The following CYTH1 variants were observed in gnomAD, a reference collection of about 807,000 sequenced individuals.
The protein encoded by CYTH1 is cytohesin 1.
A neutral mutation model predicts 61.8 loss-of-function variants in CYTH1; 18 were observed. That is an observed-to-expected ratio of 0.29 (90% confidence interval 0.20 to 0.43). The LOEUF (loss-of-function observed/expected upper bound fraction) is 0.43. CYTH1 is among the 20% of genes least tolerant of loss of function. The pLI is 1.00. For missense variants in CYTH1, 336 were observed against 510.5 expected (o/e 0.66, Z 3.29); for synonymous variants, 174 against 184.3 (o/e 0.94, Z 0.45).
In CYTH1 at chr17:78,717,335, C is replaced by T. The variant is rs374757165; in HGVS notation, c.23-7603G>A. Among the ~76,000 whole-genome samples the T allele has an allele frequency of 1.1e-4, 17 of 152,166 alleles. No individual in the cohort carries two copies. Among genetic ancestry groups the T allele is most frequent in the South Asian group, 6.2e-4 (3 of 4,826 alleles). On this transcript the variant is annotated intron_variant, in intron 1 of 13. Transcript: ENST00000446868. This position sits in a 1 kb window ranked among gnomAD's most constrained non-coding sequence, Gnocchi z 4.4. The stretch of plus-strand genomic sequence containing the variant: ...CACAAAGGTTAATCTGCAAGGTGTC[C>T]GGCTGGCAGTCAGGGGGACGGTCCA...
At chr17:78,777,327 G>A (rs956719326) in intron 1 of CYTH1, among the ~76,000 whole-genome samples, 1 of 151,420 alleles carries the variant, frequency 6.6e-6, no homozygotes, top group African/African-American at 2.4e-5. Context: ...GCTGAGGCAG[G>A]AGATGGTGTG....
chr17:78,781,911 C>T (rs1229012242), intron 1 of CYTH1, among the ~76,000 whole-genome samples: 1 of 151,524 alleles, frequency 6.6e-6, no homozygotes, highest in African/African-American at 2.4e-5. Context: ...CTCGCGGCGA[C>T]CCCTGGCCCC....
At chr17:78,676,581 G>A (rs557922874) in intron 13 of CYTH1, 2 of 282,870 alleles carry the variant, frequency 7.1e-6, no homozygotes, top group Admixed American at 5.1e-5. Flanking sequence ...CTCTGGCACG[G>A]GGTGTGTGAT....
chr17:78,755,152 A>G (rs77154538), intron 1 of CYTH1, among the ~76,000 whole-genome samples: 3,606 of 152,250 alleles, frequency 0.024, 49 homozygotes, highest in East Asian at 0.059. Context: ...ACCCCCAACA[A>G]TGAATCTCAA....
chr17:78,739,130 C>A (rs150616781), intron 1 of CYTH1, among the ~76,000 whole-genome samples: 149 of 152,336 alleles, frequency 9.8e-4, no homozygotes, highest in African/African-American at 3.5e-3. Flanking sequence ...GCCCACCTTT[C>A]TATTGCTTAT....
At chr17:78,697,028 G>A (rs751339372) in intron 9 of CYTH1, among the ~76,000 whole-genome samples, 1 of 152,094 alleles carries the variant, frequency 6.6e-6, no homozygotes, top group Non-Finnish European at 1.5e-5. Context: ...AAAACTGATC[G>A]GTGAAGTGGT....
chr17:78,697,629 A>G (rs11077394), intron 9 of CYTH1, among the ~76,000 whole-genome samples: 82,485 of 150,966 alleles, frequency 0.55, 22,636 homozygotes, highest in East Asian at 0.62. Flanking sequence ...AAAAAAAACC[A>G]CTGCCCAAGA....
intron 1 of CYTH1, among the ~76,000 whole-genome samples, chr17:78,773,302 C>G (rs769200845): frequency 8.6e-5 from 13 of 151,900 alleles, no homozygotes; most frequent in Non-Finnish European, 1.3e-4. Flanking sequence ...AGACCCTGCT[C>G]TATTTAATTA....
At chr17:78,760,526 T>C (rs1212809974) in intron 1 of CYTH1, among the ~76,000 whole-genome samples, 2 of 49,860 alleles carry the variant, frequency 4.0e-5, no homozygotes, top group Non-Finnish European at 4.0e-5. Context: ...TGTATATATA[T>C]ATATACATAC....
Position 78,717,710 on chromosome 17 carries a change from G to A in CYTH1, c.23-7978C>T, listed in dbSNP as rs2093193751. ...CAGATGCCCGGGGATATGCCATAAAGTTCCACGGAAAACGCAGCTCTCTGA... is the reference window on the plus strand; with the variant it reads ...CAGATGCCCGGGGATATGCCATAAAATTCCACGGAAAACGCAGCTCTCTGA... On this transcript the variant is annotated intron_variant, in intron 1 of 13. Coordinates refer to ENST00000446868, the MANE Select transcript of CYTH1 (RefSeq NM_004762.6). The surrounding 1 kb of genome is among the most constrained non-coding windows in gnomAD (Gnocchi z 4.4). Among the ~76,000 whole-genome samples, 1 of 152,126 alleles carries A rather than the reference G, an allele frequency of 6.6e-6. No individual in the cohort carries two copies. Among genetic ancestry groups the A allele is most frequent in the South Asian group, 2.1e-4 (1 of 4,838 alleles).
At chr17:78,692,269 G>A in intron 11 of CYTH1, 148 bp downstream of exon 11, 8 of 834,610 alleles carry the variant, frequency 9.6e-6, no homozygotes, top group Non-Finnish European at 1.4e-5. Context: ...ATTTACTTCA[G>A]TTCTTGCACT....
intron 1 of CYTH1, among the ~76,000 whole-genome samples, chr17:78,750,094 C>G (rs2093374077): frequency 6.6e-6 from 1 of 152,138 alleles, no homozygotes; most frequent in Non-Finnish European, 1.5e-5. Context: ...CACAGAGTGG[C>G]ATCAGCTACG....
chr17:78,734,657 C>G (rs562293250), intron 1 of CYTH1, among the ~76,000 whole-genome samples: 1 of 152,088 alleles, frequency 6.6e-6, no homozygotes, highest in African/African-American at 2.4e-5. Flanking sequence ...CTAGGTTGGT[C>G]TGGAACTCCT....
chr17:78,687,913 A>G (rs577215496), intron 11 of CYTH1, among the ~76,000 whole-genome samples: 1 of 152,336 alleles, frequency 6.6e-6, no homozygotes, highest in African/African-American at 2.4e-5. Flanking sequence ...AACTCTGGCC[A>G]GTGATGTGCC....
rs181190484 is a variant in CYTH1, at chr17:78,686,566, A to G, written c.892-5524T>C. On this transcript the variant is annotated intron_variant, in intron 11 of 13. Transcript: ENST00000446868. ...CGTAGAGAATGGTGAGTGGTGGGAG[A>G]GCTCATCGAAGATACTCCCCGAGTT... Among the ~76,000 whole-genome samples the G allele has an allele frequency of 3.8e-3, 574 of 152,028 alleles. 1 individual carries two copies. Among genetic ancestry groups the G allele is most frequent in the Middle Eastern group, 6.8e-3 (2 of 294 alleles).
At chr17:78,771,848 A>G (rs1412236921) in intron 1 of CYTH1, among the ~76,000 whole-genome samples, 1 of 152,128 alleles carries the variant, frequency 6.6e-6, no homozygotes, top group African/African-American at 2.4e-5. Context: ...GCTAATAACC[A>G]TCTCACTACC....
intron 13 of CYTH1, among the ~76,000 whole-genome samples, chr17:78,678,652 A>G (rs1260117242): frequency 6.6e-6 from 1 of 152,148 alleles, no homozygotes; most frequent in Non-Finnish European, 1.5e-5. Flanking sequence ...GGCTGGTGCC[A>G]TTACTGGTAG....
chr17:78,756,868 G>A (rs1361450366), intron 1 of CYTH1, among the ~76,000 whole-genome samples: 3 of 151,574 alleles, frequency 2.0e-5, no homozygotes, highest in Non-Finnish European at 4.4e-5. Flanking sequence ...ACACAAGGAT[G>A]CTGAGAGGTT....
intron 1 of CYTH1, among the ~76,000 whole-genome samples, chr17:78,722,356 G>A (rs921127421): frequency 1.8e-4 from 27 of 152,212 alleles, no homozygotes; most frequent in Non-Finnish European, 1.5e-5. Flanking sequence ...CAGGGACTGG[G>A]CGCAGAGCTC....
Sources: gnomAD v4.1 joint callset for allele counts (sites outside exome capture counted in the v4.1 genomes callset) on GRCh38, gnomAD v4.1.1 for gene constraint, Gnocchi (gnomAD v3.1) non-coding constraint, MANE v1.5 for transcripts, NCBI Gene and HGNC (gene_info 2026-07-23, HGNC 2026-07-21) for gene names.